RALA: variants seen among roughly 807,000 people sequenced by gnomAD.
RALA encodes the protein ras-related protein Ral-A.
RALA carries 5 observed loss-of-function variants against 24.0 expected under a neutral mutation model. The observed-to-expected ratio is 0.21, with a 90% CI of 0.11 to 0.44. RALA has a LOEUF of 0.44. RALA is among the 20% of genes least tolerant of loss of function. The pLI is 0.99. For synonymous variants in RALA, 77 were observed against 83.8 expected (o/e 0.92, Z 0.44); for missense variants, 95 against 241.2 (o/e 0.39, Z 4.01).
intron 1 of RALA, among the ~76,000 whole-genome samples, chr7:39,635,328 TC>T (rs993191320): frequency 6.6e-6 from 1 of 152,070 alleles, no homozygotes; most frequent in African/African-American, 2.4e-5. Context: ...TGAGCCGAGA[TC>T]GTGCCACTAC....
chr7:39,675,988 T>C (rs1792480554), intron 1 of RALA, among the ~76,000 whole-genome samples: 1 of 151,848 alleles, frequency 6.6e-6, no homozygotes, highest in South Asian at 2.1e-4. Flanking sequence ...AGTCTTTTTA[T>C]TTTTTTTGAG....
At chr7:39,703,929 G>A (rs1052355966) in intron 4 of RALA, among the ~76,000 whole-genome samples, 2 of 152,072 alleles carry the variant, frequency 1.3e-5, no homozygotes, top group African/African-American at 4.8e-5. Context: ...ACATTTAGAG[G>A]CTGAGACAGG....
chr7:39,667,355 GA>G (rs1369571268), intron 1 of RALA, among the ~76,000 whole-genome samples: 1 of 152,180 alleles, frequency 6.6e-6, no homozygotes, highest in Non-Finnish European at 1.5e-5. Context: ...GAAAAGACAG[GA>G]AAAAGAATTT....
At chr7:39,666,633 G>A (rs1363119513) in intron 1 of RALA, among the ~76,000 whole-genome samples, 1 of 152,176 alleles carries the variant, frequency 6.6e-6, no homozygotes, top group Non-Finnish European at 1.5e-5. Flanking sequence ...GATGTGGGGT[G>A]CCACATATAC....
intron 1 of RALA, among the ~76,000 whole-genome samples, chr7:39,673,018 T>C (rs1792416946): frequency 6.6e-6 from 1 of 152,154 alleles, no homozygotes; most frequent in Non-Finnish European, 1.5e-5. Context: ...CAAAACACTT[T>C]CTCTACTAAA....
intron 1 of RALA, among the ~76,000 whole-genome samples, chr7:39,629,888 C>T (rs1438323266): frequency 2.6e-5 from 4 of 152,248 alleles, no homozygotes; most frequent in East Asian, 3.9e-4. Context: ...AGCCACCGTG[C>T]CTGACCCTAA....
chr7:39,702,718 G>A (rs1793049537), intron 4 of RALA, among the ~76,000 whole-genome samples: 1 of 152,194 alleles, frequency 6.6e-6, no homozygotes, highest in African/African-American at 2.4e-5. Flanking sequence ...TGGCAATATG[G>A]ATAGAACTGG....
At chr7:39,639,188 T>A (rs1791737367) in intron 1 of RALA, among the ~76,000 whole-genome samples, 2 of 152,204 alleles carry the variant, frequency 1.3e-5, no homozygotes, top group Admixed American at 1.3e-4. Context: ...CATCACAAAC[T>A]TCTAAATCAA....
Position 39,706,114 on chromosome 7 carries a change from TC to T in RALA, c.499-8del. The T allele has an allele frequency of 6.3e-7, 1 of 1,594,216 alleles. No homozygotes were observed. The highest frequency in any genetic ancestry group is 8.5e-7 in the Non-Finnish European group (1 of 1,169,846). On this transcript the variant is annotated splice_polypyrimidine_tract_variant and splice_region_variant and intron_variant, in intron 4 of 4. Coordinates refer to ENST00000005257, the MANE Select transcript of RALA (RefSeq NM_005402.4). ...TTTGCTTTATTTATCCTATTTTTTTTCTTTCTAGGTATTTTTTGATTTAATG... is the reference window on the plus strand; with the variant it reads ...TTTGCTTTATTTATCCTATTTTTTTTTTTCTAGGTATTTTTTGATTTAATG...
chr7:39,697,227 C>T (rs3779202), intron 4 of RALA, among the ~76,000 whole-genome samples: 2,816 of 152,272 alleles, frequency 0.018, 75 homozygotes, highest in East Asian at 0.15. Flanking sequence ...ATCTACCCAA[C>T]CCCACTTAAG....
intron 1 of RALA, among the ~76,000 whole-genome samples, chr7:39,644,508 T>TG (rs1791892601): frequency 6.6e-6 from 1 of 152,222 alleles, no homozygotes; most frequent in African/African-American, 2.4e-5. Context: ...TAAATATGTA[T>TG]GTGAATACTT....
chr7:39,696,900 G>A lies in RALA; in HGVS notation c.498+41G>A, dbSNP rs753677229. ...TTACTACTGCATCATGTTAAAATAG[G>A]TTGGTTTGCTTTAACTTGGCTCCAT... On this transcript the variant is annotated intron_variant, in intron 4 of 4. Coordinates refer to ENST00000005257, the MANE Select transcript of RALA (RefSeq NM_005402.4). 4.5e-6 allele frequency: 7 copies of A among 1,555,258 alleles called. No homozygotes were observed. The African/African-American group carries it at 9.7e-5, about 21-fold the overall frequency.
intron 3 of RALA, among the ~76,000 whole-genome samples, chr7:39,692,896 G>T (rs928553412): frequency 2.6e-5 from 4 of 152,136 alleles, no homozygotes; most frequent in African/African-American, 9.7e-5. Flanking sequence ...ATTCAGTGGC[G>T]ATCATTAGAA....
chr7:39,657,194 G>T (rs562160695), intron 1 of RALA, among the ~76,000 whole-genome samples: 1 of 152,088 alleles, frequency 6.6e-6, no homozygotes, highest in Non-Finnish European at 1.5e-5. Context: ...TTGAACTGCT[G>T]ACCTCAGGTG....
chr7:39,662,956 A>G (rs1031895085), intron 1 of RALA, among the ~76,000 whole-genome samples: 6 of 152,252 alleles, frequency 3.9e-5, no homozygotes, highest in African/African-American at 1.4e-4. Context: ...TGTGGCTGGA[A>G]AGGCCTCACA....
intron 1 of RALA, among the ~76,000 whole-genome samples, chr7:39,653,719 A>AGTAGCTT (rs1480285477): frequency 6.6e-6 from 1 of 152,130 alleles, no homozygotes; most frequent in African/African-American, 2.4e-5. Context: ...TTAGTCTTGT[A>AGTAGCTT]GTAGCTTATA....
intron 1 of RALA, among the ~76,000 whole-genome samples, chr7:39,668,865 T>A (rs1792331524): frequency 6.6e-6 from 1 of 150,502 alleles, no homozygotes; most frequent in South Asian, 2.1e-4. Flanking sequence ...CCTGTAATTC[T>A]AGCACTTTAG....
At chr7:39,686,864 G>A (rs1389838613) in intron 2 of RALA, 83 bp downstream of exon 2, 20 of 1,028,840 alleles carry the variant, frequency 1.9e-5, no homozygotes, top group Non-Finnish European at 2.9e-5. Context: ...ATTTTGTATG[G>A]ATTGTTTGAA....
intron 1 of RALA, chr7:39,624,136 T>C (rs1458333670): frequency 6.6e-6 from 1 of 151,950 alleles, no homozygotes; most frequent in Non-Finnish European, 1.5e-5. Context: ...GGCGCCCAAG[T>C]TCCCGCCCGG....
Sources: gnomAD v4.1 joint callset for allele counts (sites outside exome capture counted in the v4.1 genomes callset) on GRCh38, gnomAD v4.1.1 for gene constraint, MANE v1.5 for transcripts, NCBI Gene and HGNC (gene_info 2026-07-23, HGNC 2026-07-21) for gene names.